Variants in PRDX6 observed in about 807,000 individuals in gnomAD.
The protein encoded by PRDX6 is peroxiredoxin-6.
A neutral mutation model predicts 20.0 loss-of-function variants in PRDX6; 13 were observed. The ratio of observed to expected loss-of-function variants is 0.65; its 90% CI spans 0.42 to 1.03. The LOEUF (loss-of-function observed/expected upper bound fraction) is 1.03, where lower values mean the gene tolerates loss of function less well. Among genes scored for constraint, PRDX6 ranks in the 50% least tolerant of loss-of-function variants. PRDX6 has a pLI of 0.00. For synonymous variants in PRDX6, 85 were observed against 100.8 expected (o/e 0.84, Z 0.94); for missense variants, 203 against 276.9 (o/e 0.73, Z 1.89).
At chr1:173,479,937 T>G (rs1368521900) in intron 1 of PRDX6, among the ~76,000 whole-genome samples, 1 of 152,220 alleles carries the variant, frequency 6.6e-6, no homozygotes, top group African/African-American at 2.4e-5. Context: ...TATCCTCCTT[T>G]TAACGATAGA....
chr1:173,487,023 T>G (rs1486906752), intron 4 of PRDX6, among the ~76,000 whole-genome samples: 1 of 152,206 alleles, frequency 6.6e-6, no homozygotes, highest in East Asian at 1.9e-4. Flanking sequence ...ATTTATGTAC[T>G]TATTGAGCCC....
rs1658944739 is a variant in PRDX6 at position 173,488,673 on chromosome 1, A to G, written c.*810A>G. 2 of 152,256 alleles carry G rather than the reference A, an allele frequency of 1.3e-5. No homozygotes were observed. Among genetic ancestry groups the G allele is most frequent in the South Asian group, 4.1e-4 (2 of 4,838 alleles). 9.4% of individuals were successfully genotyped at this position (152,256 alleles called of 1,614,324 possible). ...CAGTCTGTTTTCCGATGATGTGTACATGAAAGAGTACACCATGTGAAGAGA... is the reference window on the plus strand; with the variant it reads ...CAGTCTGTTTTCCGATGATGTGTACGTGAAAGAGTACACCATGTGAAGAGA... On this transcript the variant is annotated 3_prime_UTR_variant, in exon 5 of 5. Coordinates refer to ENST00000340385, the MANE Select transcript of PRDX6 (RefSeq NM_004905.3).
At chr1:173,481,858 C>A (rs1658806843) in intron 2 of PRDX6, 1 of 211,982 alleles carries the variant, frequency 4.7e-6, no homozygotes, top group African/African-American at 2.3e-5. Flanking sequence ...TCTGTCTGCA[C>A]TCTTTCCCTT....
chr1:173,480,025 G>A (rs1237006612), intron 1 of PRDX6, among the ~76,000 whole-genome samples: 5 of 152,054 alleles, frequency 3.3e-5, no homozygotes, highest in Non-Finnish European at 5.9e-5. Flanking sequence ...TAAATAGATC[G>A]TTTTCCATAG....
Position 173,477,417 on chromosome 1 carries a change from T to C in PRDX6, c.20T>C (p.Leu7Pro). The C allele has an allele frequency of 6.2e-7, 1 of 1,608,904 alleles. No homozygotes were observed. The highest frequency in any genetic ancestry group is 8.5e-7 in the Non-Finnish European group (1 of 1,177,994). ...GTCGCCATGCCCGGAGGTCTGCTTCTCGGGGACGTGGCTCCCAACTTTGAG... is the reference window on the plus strand; with the variant it reads ...GTCGCCATGCCCGGAGGTCTGCTTCCCGGGGACGTGGCTCCCAACTTTGAG... MPGGLL[L>P]GDVAPNFEAN... Residue 7 changes from leucine (L) to proline (P), a missense_variant, in exon 1 of 5, where the codon CTC becomes CCC. Physicochemically the swap from Leu to Pro is moderately conservative, Grantham distance 98 (BLOSUM62 -3). Coordinates refer to ENST00000340385, the MANE Select transcript of PRDX6 (RefSeq NM_004905.3).
chr1:173,485,293 G>A, intron 2 of PRDX6, 68 bp from the exon 3 acceptor site: 2 of 1,437,430 alleles, frequency 1.4e-6, no homozygotes, highest in Non-Finnish European at 1.9e-6. Flanking sequence ...GGTGATGGCT[G>A]TTAACTGATG....
chr1:173,485,715 CA>C (rs200553762), intron 3 of PRDX6, among the ~76,000 whole-genome samples: 4 of 151,282 alleles, frequency 2.6e-5, no homozygotes, highest in African/African-American at 9.7e-5. Context: ...TGGAAATCTA[CA>C]AAAAAAAAGT....
intron 2 of PRDX6, among the ~76,000 whole-genome samples, chr1:173,482,742 A>G (rs1658825266): frequency 6.6e-6 from 1 of 152,230 alleles, no homozygotes; most frequent in Non-Finnish European, 1.5e-5. Context: ...TTAATCCTAA[A>G]TATCTGAGAC....
Position 173,477,363 on chromosome 1 carries a change from T to TGCTGTCCCAGCGGC in PRDX6, c.-32_-19dup. ...TCTTCGCCAGAACCAACCGGTTGCT[T>TGCTGTCCCAGCGGC]GCTGTCCCAGCGGCGCCCCCTCATC... On this transcript the variant is annotated 5_prime_UTR_variant, in exon 1 of 5. Transcript: ENST00000340385. The TGCTGTCCCAGCGGC allele has an allele frequency of 6.4e-7, 1 of 1,554,446 alleles. No homozygotes were observed. The highest frequency in any genetic ancestry group is 8.8e-7 in the Non-Finnish European group (1 of 1,135,494).
Position 173,486,237 on chromosome 1 carries a change from C to A in PRDX6, c.400-18C>A, listed in dbSNP as rs372012723. 3.2e-6 allele frequency: 5 copies of A among 1,563,482 alleles called. No individual in the cohort carries two copies. Among genetic ancestry groups the A allele is most frequent in the African/African-American group, 2.8e-5 (2 of 72,350 alleles). On this transcript the variant is annotated intron_variant, in intron 3 of 4. Transcript: ENST00000340385. ...ACTCAAAGAACTCTTCCTATTTATG[C>A]CCCTCTGTGCTTTACAGGTGTTTGT... is the stretch of plus-strand genomic sequence containing the variant.
At chr1:173,484,019 C>T (rs1159284813) in intron 2 of PRDX6, among the ~76,000 whole-genome samples, 1 of 149,780 alleles carries the variant, frequency 6.7e-6, no homozygotes, top group African/African-American at 2.5e-5. Flanking sequence ...CAGAGAATTG[C>T]TTGAACCTGG....
intron 1 of PRDX6, among the ~76,000 whole-genome samples, chr1:173,480,811 T>C (rs1658788819): frequency 6.6e-6 from 1 of 152,208 alleles, no homozygotes; most frequent in African/African-American, 2.4e-5. Context: ...TTTTTACATA[T>C]AAATAGAAGA....
At chr1:173,477,630 G>A in intron 1 of PRDX6, 138 bp downstream of exon 1, 1 of 709,306 alleles carries the variant, frequency 1.4e-6, no homozygotes, top group South Asian at 1.8e-5. Flanking sequence ...ACTGGTTCCG[G>A]CGCGCGCCAG....
intron 2 of PRDX6, among the ~76,000 whole-genome samples, chr1:173,483,856 ACT>A (rs1658845399): frequency 6.6e-6 from 1 of 151,476 alleles, no homozygotes; most frequent in African/African-American, 2.4e-5. Context: ...TAATCCCAAC[ACT>A]CTGGGAGGCT....
chr1:173,477,356 G>T lies in PRDX6; in HGVS notation c.-42G>T, dbSNP rs778049640. 1.5e-6 allele frequency: 2 copies of T among 1,342,162 alleles called. No homozygotes were observed. The highest frequency in any genetic ancestry group is 3.9e-5 in the Admixed American group (2 of 51,860). The allele number at this position is 1,342,162 out of a possible 1,614,324, so 83.1% of individuals were successfully genotyped here. On this transcript the variant is annotated 5_prime_UTR_variant, in exon 1 of 5. Transcript: ENST00000340385. ...GGCTGCTTCTTCGCCAGAACCAACC[G>T]GTTGCTTGCTGTCCCAGCGGCGCCC...
intron 1 of PRDX6, 108 bp downstream of exon 1, chr1:173,477,600 C>A: frequency 1.1e-6 from 1 of 912,874 alleles, no homozygotes; most frequent in Non-Finnish European, 1.7e-6. Flanking sequence ...GCCCCCTGCG[C>A]CGCCCTCGCC....
At chr1:173,480,166 C>CT (rs1658777778) in intron 1 of PRDX6, among the ~76,000 whole-genome samples, 1 of 152,212 alleles carries the variant, frequency 6.6e-6, no homozygotes, top group East Asian at 1.9e-4. Flanking sequence ...AAAATACTAA[C>CT]TTTCCTCCCA....
chr1:173,484,398 C>G (rs887854314), intron 2 of PRDX6, among the ~76,000 whole-genome samples: 1 of 151,614 alleles, frequency 6.6e-6, no homozygotes, highest in African/African-American at 2.4e-5. Context: ...TGGGAGTGTT[C>G]GTATACTTCA....
At position 173,487,812 on chromosome 1, in the gene PRDX6, C is replaced by T. The variant is rs150844128; in HGVS notation, c.624C>T (p.Thr208=). 3.1e-6 allele frequency: 5 copies of T among 1,613,892 alleles called. No homozygotes were observed. In the Admixed American group the frequency reaches 5.0e-5, roughly 16 times the overall value. Residue 208 remains threonine (T), a synonymous_variant, in exon 5 of 5, where the codon ACC becomes ACT. Transcript: ENST00000340385. ...AACTTTTCCCGAAAGGAGTCTTCACCAAAGAGCTCCCATCTGGCAAGAAAT... is the reference window on the plus strand; with the variant it reads ...AACTTTTCCCGAAAGGAGTCTTCACTAAAGAGCTCCCATCTGGCAAGAAAT... ...AKKLFPKGVF[T]KELPSGKKYL...
Sources: allele counts gnomAD v4.1 joint callset (sites outside exome capture counted in the v4.1 genomes callset), GRCh38; gene constraint gnomAD v4.1.1; transcripts MANE v1.5; gene names NCBI Gene and HGNC (gene_info 2026-07-23, HGNC 2026-07-21).